Variants in SMARCC1 observed in about 807,000 individuals in gnomAD.
SMARCC1 encodes the protein SWI/SNF complex subunit SMARCC1.
A neutral mutation model predicts 147.4 loss-of-function variants in SMARCC1; 43 were observed. That is an observed-to-expected ratio of 0.29 (90% CI 0.23 to 0.38). SMARCC1 has a LOEUF of 0.38. Ranked by LOEUF, SMARCC1 falls within the 10% of genes least tolerant of loss-of-function variation. SMARCC1 has a pLI of 1.00. For missense variants in SMARCC1, 1,119 were observed against 1,381.1 expected, an observed-to-expected ratio of 0.81 and a Z score of 3.01; for synonymous variants, 495 against 484.4, an observed-to-expected ratio of 1.02 and a Z score of -0.29.
chr3:47,724,736 T>A (rs1204678065), intron 6 of SMARCC1, among the ~76,000 whole-genome samples: 1 of 152,102 alleles, frequency 6.6e-6, no homozygotes, highest in African/African-American at 2.4e-5. Flanking sequence ...GAGTATCAGT[T>A]CTGCCAGATG....
intron 26 of SMARCC1, among the ~76,000 whole-genome samples, chr3:47,601,135 T>C (rs563093467): frequency 2.4e-4 from 37 of 151,094 alleles, no homozygotes; most frequent in Middle Eastern, 6.8e-3. Context: ...TTTTTCTTTT[T>C]TTTTTTTAAA....
At chr3:47,646,286 C>G (rs1312751081) in intron 21 of SMARCC1, among the ~76,000 whole-genome samples, 1 of 152,210 alleles carries the variant, frequency 6.6e-6, no homozygotes, top group African/African-American at 2.4e-5. Context: ...GAAAAAGTCT[C>G]TCTTTGGTCT....
chr3:47,673,395 A>AAAG lies in SMARCC1; in HGVS notation c.1839+2079_1839+2080insCTT, dbSNP rs1553682242. 1.3e-4 allele frequency among the ~76,000 whole-genome samples: 2 copies of AAAG among 15,876 alleles called. 1 individual carries two copies. The highest frequency in any genetic ancestry group is 3.4e-4 in the African/African-American group (2 of 5,822). 10.4% of individuals were successfully genotyped at this position (15,876 alleles called of 152,430 possible). On this transcript the variant is annotated intron_variant, in intron 18 of 27. Transcript: ENST00000254480. ...AGCGAGACTCTGTCTCAAAAAAAAA[A>AAAG]GGGTGGGGGGGGGGCAGGCCAGTGG...
At position 47,588,247 on chromosome 3, in the gene SMARCC1, G is replaced by A; in HGVS notation, c.3280C>T (p.Pro1094Ser). ...PPPPADGVPP[P>S]PAPGPPASAA... ...GAGGCTGGCGGGCCAGGAGCAGGAG[G>A]CGGAGGGACCCCATCTGCAGGTGGT... Residue 1094 changes from proline (P) to serine (S), a missense_variant, in exon 28 of 28, where the codon CCT becomes TCT. Pro to Ser is a moderately conservative substitution (Grantham distance 74). Around this residue, in one of 6 missense-constraint regions of SMARCC1, gnomAD observed 186 missense variants for 216.5 expected, o/e 0.86. Coordinates refer to ENST00000254480, the MANE Select transcript of SMARCC1 (RefSeq NM_003074.4). The A allele has an allele frequency of 6.2e-7, 1 of 1,613,920 alleles. No homozygotes were observed. The highest frequency in any genetic ancestry group is 8.5e-7 in the Non-Finnish European group (1 of 1,179,920).
chr3:47,623,884 A>T (rs375140907), intron 24 of SMARCC1, among the ~76,000 whole-genome samples: 2 of 145,594 alleles, frequency 1.4e-5, no homozygotes, highest in African/African-American at 2.5e-5. Flanking sequence ...TGTTTCTGGT[A>T]TTTTTTTTTT....
chr3:47,617,380 A>T (rs988025219), intron 25 of SMARCC1, among the ~76,000 whole-genome samples: 4 of 152,260 alleles, frequency 2.6e-5, no homozygotes, highest in Non-Finnish European at 5.9e-5. Context: ...TTTGCCAGGA[A>T]ATAAAGTGAG....
intron 26 of SMARCC1, among the ~76,000 whole-genome samples, chr3:47,596,011 G>A (rs1303987196): frequency 6.6e-6 from 1 of 150,950 alleles, no homozygotes; most frequent in Non-Finnish European, 1.5e-5. Context: ...GGGATTACAG[G>A]TGTGAGCTAC....
intron 21 of SMARCC1, among the ~76,000 whole-genome samples, chr3:47,641,105 T>C (rs1363894459): frequency 6.6e-6 from 1 of 152,206 alleles, no homozygotes; most frequent in Non-Finnish European, 1.5e-5. Context: ...GTATTCTCTA[T>C]ATAAAATTAA....
intron 26 of SMARCC1, among the ~76,000 whole-genome samples, chr3:47,608,106 G>A (rs1007196647): frequency 1.3e-5 from 2 of 152,120 alleles, no homozygotes; most frequent in Non-Finnish European, 2.9e-5. Context: ...GTAACTAACT[G>A]AGACACAGTC....
intron 2 of SMARCC1, among the ~76,000 whole-genome samples, chr3:47,753,931 T>C (rs914109343): frequency 2.0e-5 from 3 of 152,094 alleles, no homozygotes; most frequent in African/African-American, 7.2e-5. Flanking sequence ...TTGAAAATGG[T>C]TGAAAGAGAA....
intron 12 of SMARCC1, among the ~76,000 whole-genome samples, chr3:47,691,134 C>G (rs913000085): frequency 6.6e-6 from 1 of 152,004 alleles, no homozygotes; most frequent in African/African-American, 2.4e-5. Context: ...TATATATGAT[C>G]CCTAATATTA....
At chr3:47,655,392 C>T (rs1384124787) in intron 21 of SMARCC1, among the ~76,000 whole-genome samples, 1 of 151,550 alleles carries the variant, frequency 6.6e-6, no homozygotes, top group African/African-American at 2.4e-5. Flanking sequence ...AAGCGAGACA[C>T]TGTCTCAAAA....
At chr3:47,693,332 G>A in intron 11 of SMARCC1, 32 bp from the exon 12 acceptor site, 1 of 1,288,558 alleles carries the variant, frequency 7.8e-7, no homozygotes. Flanking sequence ...TTATGTTTAT[G>A]TGGGAAAAGT....
chr3:47,644,240 G>A (rs1001362424), intron 21 of SMARCC1, among the ~76,000 whole-genome samples: 2 of 152,024 alleles, frequency 1.3e-5, no homozygotes, highest in African/African-American at 4.8e-5. Flanking sequence ...CAGTACTTTC[G>A]GAGGCAGGGG....
chr3:47,647,645 T>TA (rs1468631303), intron 21 of SMARCC1, among the ~76,000 whole-genome samples: 2 of 152,186 alleles, frequency 1.3e-5, no homozygotes, highest in Admixed American at 6.5e-5. Context: ...TGGGAGAACT[T>TA]AGTCTCAGAG....
chr3:47,658,470 T>C (rs1177181712), intron 21 of SMARCC1, among the ~76,000 whole-genome samples: 1 of 152,260 alleles, frequency 6.6e-6, no homozygotes, highest in African/African-American at 2.4e-5. Context: ...ATTAATCTAC[T>C]TTGTTTTTAT....
chr3:47,765,395 C>G (rs2034826195), intron 2 of SMARCC1, among the ~76,000 whole-genome samples: 1 of 151,614 alleles, frequency 6.6e-6, no homozygotes. Context: ...AATGGATGTT[C>G]TCTTTATAAT....
At chr3:47,615,051 T>G (rs2032619591) in intron 25 of SMARCC1, among the ~76,000 whole-genome samples, 1 of 152,170 alleles carries the variant, frequency 6.6e-6, no homozygotes, top group Non-Finnish European at 1.5e-5. Flanking sequence ...GCCCATCAAC[T>G]GTCAAGTTTC....
At chr3:47,651,391 C>T (rs963371787) in intron 21 of SMARCC1, among the ~76,000 whole-genome samples, 3 of 152,196 alleles carry the variant, frequency 2.0e-5, no homozygotes, top group African/African-American at 4.8e-5. Flanking sequence ...TAATATTTTA[C>T]AATAGCCCAC....
Sources: gnomAD v4.1 joint callset for allele counts (sites outside exome capture counted in the v4.1 genomes callset) on GRCh38, gnomAD v4.1.1 for gene constraint, gnomAD v4.1.1 regional missense constraint, MANE v1.5 for transcripts, NCBI Gene and HGNC (gene_info 2026-07-23, HGNC 2026-07-21) for gene names.